The following NME7 variants were observed in gnomAD, a reference collection of about 807,000 sequenced individuals.
The protein encoded by NME7 is NME/NM23 family member 7, also known as nucleoside diphosphate kinase 7.
A neutral mutation model predicts 49.1 loss-of-function variants in NME7; 41 were observed. That is an observed-to-expected ratio of 0.83 (90% CI 0.65 to 1.08). The LOEUF (loss-of-function observed/expected upper bound fraction) is 1.08, where lower values mean the gene tolerates loss of function less well. Ranked by LOEUF, NME7 falls within the 50% of genes least tolerant of loss-of-function variation. NME7 has a pLI of 0.00. For missense variants in NME7, 423 were observed against 463.4 expected (o/e 0.91, Z 0.80); for synonymous variants, 139 against 150.6 (o/e 0.92, Z 0.56).
At position 169,187,526 on chromosome 1, in the gene NME7, T is replaced by C. The variant is rs1200078; in HGVS notation, c.991-17972A>G. The stretch of plus-strand genomic sequence containing the variant: ...ACCCTTCTTTGTCTTTTTTGATCTT[T>C]GTTGGTTTAAAGTCTGTTTTATCAG... On this transcript the variant is annotated intron_variant, in intron 10 of 11. Coordinates refer to ENST00000367811, the MANE Select transcript of NME7 (RefSeq NM_013330.5). Among the ~76,000 whole-genome samples the C allele has an allele frequency of 8.9e-3, 1,353 of 152,298 alleles. 14 individuals carry two copies. The highest frequency in any genetic ancestry group is 0.031 in the African/African-American group (1,282 of 41,556).
chr1:169,347,506 G>A (rs74121623), intron 1 of NME7, among the ~76,000 whole-genome samples: 3,037 of 152,278 alleles, frequency 0.02, 104 homozygotes, highest in African/African-American at 0.07. Context: ...ATGGCATCCT[G>A]TGGCATCTGT....
intron 9 of NME7, among the ~76,000 whole-genome samples, chr1:169,232,873 CTTTA>C (rs376962870): frequency 5.2e-5 from 7 of 135,808 alleles, no homozygotes; most frequent in South Asian, 2.4e-4. Context: ...TTTTTAGTTG[CTTTA>C]TTTTTCTTTT....
intron 10 of NME7, among the ~76,000 whole-genome samples, chr1:169,220,645 A>G (rs1661115279): frequency 6.6e-6 from 1 of 152,192 alleles, no homozygotes; most frequent in African/African-American, 2.4e-5. Context: ...ACTTCAAAGA[A>G]AATAAATTAC....
intron 1 of NME7, among the ~76,000 whole-genome samples, chr1:169,345,670 T>G (rs1652928744): frequency 6.6e-6 from 1 of 152,232 alleles, no homozygotes; most frequent in South Asian, 2.1e-4. Context: ...GGACCCTTAA[T>G]CTTTAGCTAC....
chr1:169,275,056 G>A (rs1193393617), intron 7 of NME7, among the ~76,000 whole-genome samples: 2 of 132,384 alleles, frequency 1.5e-5, no homozygotes, highest in Non-Finnish European at 3.5e-5. Flanking sequence ...ATTACCTTAG[G>A]CAGTATGGCC....
intron 6 of NME7, among the ~76,000 whole-genome samples, chr1:169,292,445 T>G (rs1449363046): frequency 1.3e-5 from 2 of 152,160 alleles, no homozygotes; most frequent in African/African-American, 4.8e-5. Context: ...AGAATTTGTA[T>G]GCATAATATA....
At chr1:169,250,344 C>A (rs1648510049) in intron 7 of NME7, among the ~76,000 whole-genome samples, 3 of 151,824 alleles carry the variant, frequency 2.0e-5, no homozygotes, top group African/African-American at 7.2e-5. Context: ...TCTAATTGAA[C>A]TTACTTTAAC....
chr1:169,324,179 C>CA (rs1204161157), intron 2 of NME7, among the ~76,000 whole-genome samples: 14 of 151,970 alleles, frequency 9.2e-5, no homozygotes, highest in African/African-American at 3.4e-4. Context: ...CTAACAACAA[C>CA]AACAAAAAAT....
intron 3 of NME7, among the ~76,000 whole-genome samples, chr1:169,321,027 C>A (rs1304728098): frequency 6.6e-6 from 1 of 152,148 alleles, no homozygotes; most frequent in African/African-American, 2.4e-5. Flanking sequence ...ACATTCACTT[C>A]AGTCAAATCA....
At position 169,264,961 on chromosome 1, in the gene NME7, C is replaced by G. The variant is rs2101867283; in HGVS notation, c.754+22342G>C. Among the ~76,000 whole-genome samples, 3 of 133,326 alleles carry G rather than the reference C, an allele frequency of 2.3e-5. 1 individual carries two copies. In the South Asian group the frequency reaches 6.9e-4, roughly 31 times the overall value. The allele number at this position is 133,326 out of a possible 152,430, so 87.5% of individuals were successfully genotyped here. A position where few individuals can be genotyped will look rare whatever the true frequency, so the allele number is the denominator to read the frequency against. On this transcript the variant is annotated intron_variant, in intron 7 of 11. Transcript: ENST00000367811. ...CTTACAATCATGGCAGAAGGGGAAGCAAACATGTCCTTCACATGGCGGCAA... is the reference window on the plus strand; with the variant it reads ...CTTACAATCATGGCAGAAGGGGAAGGAAACATGTCCTTCACATGGCGGCAA...
chr1:169,277,070 T>C (rs1414659695), intron 7 of NME7, among the ~76,000 whole-genome samples: 1 of 150,638 alleles, frequency 6.6e-6, no homozygotes, highest in African/African-American at 2.4e-5. Context: ...TTATAATTTC[T>C]GTTCTTTTAC....
intron 7 of NME7, chr1:169,247,116 G>A (rs962396149): frequency 4.4e-6 from 2 of 455,152 alleles, no homozygotes; most frequent in Non-Finnish European, 8.8e-6. Context: ...CTATACCTTG[G>A]TTGAAATAAG....
intron 10 of NME7, chr1:169,190,562 C>T: frequency 2.8e-6 from 1 of 359,598 alleles, no homozygotes; most frequent in Admixed American, 3.7e-5. Flanking sequence ...TAAACATGGA[C>T]TACTTTAGTA....
At chr1:169,309,541 GGAA>G (rs1651302956) in intron 4 of NME7, among the ~76,000 whole-genome samples, 1 of 152,108 alleles carries the variant, frequency 6.6e-6, no homozygotes, top group Non-Finnish European at 1.5e-5. Context: ...TGAAACTGGT[GGAA>G]GTTCACCACC....
At chr1:169,354,643 ATATTAAAG>A (rs2101979997) in intron 1 of NME7, among the ~76,000 whole-genome samples, 1 of 147,978 alleles carries the variant, frequency 6.8e-6, no homozygotes, top group East Asian at 1.9e-4. Flanking sequence ...ACATATTTAT[ATATTAAAG>A]TATTAAATAT....
chr1:169,367,638 C>G lies in NME7; in HGVS notation c.3+70G>C. The G allele has an allele frequency of 5.0e-6, 8 of 1,594,080 alleles. No individual in the cohort carries two copies. In the South Asian group the frequency reaches 8.8e-5, roughly 18 times the overall value. On this transcript the variant is annotated intron_variant, in intron 1 of 11. Coordinates refer to ENST00000367811, the MANE Select transcript of NME7 (RefSeq NM_013330.5). ...GACCGGACAACTTTAAGTGCCCATCCGCCCGAAGACTTGGAAAGCTAAGTA... is the reference window on the plus strand; with the variant it reads ...GACCGGACAACTTTAAGTGCCCATCGGCCCGAAGACTTGGAAAGCTAAGTA...
chr1:169,132,942 TAATC>T (rs3060498), intron 11 of NME7, 125 bp from the exon 12 acceptor site: 70,154 of 621,956 alleles, frequency 0.11, 10,990 homozygotes, highest in East Asian at 0.69. Context: ...CACTAAAAGT[TAATC>T]AATCAATCAG....
intron 1 of NME7, among the ~76,000 whole-genome samples, chr1:169,324,995 T>C (rs1652008117): frequency 6.6e-6 from 1 of 152,166 alleles, no homozygotes; most frequent in African/African-American, 2.4e-5. Context: ...AGTAATTTCA[T>C]ATGATAGTAT....
At chr1:169,331,228 C>T (rs889519346) in intron 1 of NME7, among the ~76,000 whole-genome samples, 1 of 152,042 alleles carries the variant, frequency 6.6e-6, no homozygotes, top group Non-Finnish European at 1.5e-5. Context: ...CAATCATGTC[C>T]ATTGATGTTG....
Sources: gnomAD v4.1 joint callset for allele counts (sites outside exome capture counted in the v4.1 genomes callset) on GRCh38, gnomAD v4.1.1 for gene constraint, MANE v1.5 for transcripts, NCBI Gene and HGNC (gene_info 2026-07-23, HGNC 2026-07-21) for gene names.